Variants in DMD observed in about 807,000 individuals in gnomAD.
The protein encoded by DMD is dystrophin.
Under a neutral mutation model 330.1 loss-of-function variants are expected in DMD, and 63 were observed. The observed-to-expected ratio is 0.19, with a 90% CI of 0.16 to 0.24. The LOEUF is 0.24. DMD is among the 10% of genes least tolerant of loss of function. The pLI, the probability that DMD is intolerant of heterozygous loss-of-function variation, is 1.00. For synonymous variants in DMD, 1,223 were observed against 959.8 expected, an observed-to-expected ratio of 1.27 and a Z score of -5.07; for missense variants, 3,344 against 2,684.1, an observed-to-expected ratio of 1.25 and a Z score of -5.43.
At chrX:32,907,801 A>T (rs1224208519) in intron 2 of DMD, among the ~76,000 whole-genome samples, 1 of 112,368 alleles carries the variant, frequency 8.9e-6, no homozygotes, top group African/African-American at 3.2e-5. Flanking sequence ...CCCCTCAGAG[A>T]CCTGAAATTT....
At chrX:32,414,960 T>C (rs2098160743) in intron 29 of DMD, among the ~76,000 whole-genome samples, 1 of 111,944 alleles carries the variant, frequency 8.9e-6, no homozygotes, top group Admixed American at 9.5e-5. Flanking sequence ...TGTTCAGGGC[T>C]ATAATCAGAG....
At chrX:32,417,023 T>C (rs866876916) in intron 29 of DMD, among the ~76,000 whole-genome samples, 10 of 112,260 alleles carry the variant, frequency 8.9e-5, no homozygotes, top group Admixed American at 1.9e-4. Context: ...TTTGATAAAC[T>C]ATTTCCTCCT....
intron 55 of DMD, among the ~76,000 whole-genome samples, chrX:31,551,521 G>A (rs1321620394): frequency 8.9e-6 from 1 of 112,003 alleles, no homozygotes; most frequent in Non-Finnish European, 1.9e-5. Flanking sequence ...GACTCAAAAT[G>A]ACAGCAAAAT....
At chrX:32,373,024 C>G (rs2097885688) in intron 34 of DMD, among the ~76,000 whole-genome samples, 3 of 110,391 alleles carry the variant, frequency 2.7e-5, no homozygotes, top group Non-Finnish European at 5.7e-5. Flanking sequence ...TCTGGAAGTT[C>G]TCCCATTCTT....
chrX:31,250,880 G>A (rs1347906898), intron 63 of DMD, among the ~76,000 whole-genome samples: 5 of 110,689 alleles, frequency 4.5e-5, no homozygotes, highest in East Asian at 2.8e-4. Context: ...TCAAGAGATC[G>A]AGACCATCCT....
rs757479854 is a variant in DMD, at chrX:32,636,143, C to A, written c.1331+7989G>T. On this transcript the variant is annotated intron_variant, in intron 11 of 78. Transcript: ENST00000357033. ...TGACAAAATTATACAGTTTTTATCCCCCTAAAACTAATGTGTTCATTCTCC... is the reference window on the plus strand; with the variant it reads ...TGACAAAATTATACAGTTTTTATCCACCTAAAACTAATGTGTTCATTCTCC... Among the ~76,000 whole-genome samples the A allele has an allele frequency of 2.7e-5, 3 of 111,844 alleles. No individual in the cohort carries two copies. In the Admixed American group the frequency reaches 2.8e-4, roughly 11 times the overall value.
intron 18 of DMD, among the ~76,000 whole-genome samples, chrX:32,512,306 GAAGT>G (rs894427328): frequency 8.9e-6 from 1 of 111,831 alleles, no homozygotes; most frequent in Non-Finnish European, 1.9e-5. Context: ...TCCGACATTA[GAAGT>G]AATTAAGAAT....
intron 1 of DMD, among the ~76,000 whole-genome samples, chrX:33,282,980 G>A (rs1243353246): frequency 1.8e-5 from 2 of 111,838 alleles, no homozygotes; most frequent in African/African-American, 6.5e-5. Flanking sequence ...CTCTTGTTTT[G>A]TTTCTAGGTT....
chrX:32,204,484 A>C (rs2147755071), intron 44 of DMD, among the ~76,000 whole-genome samples: 1 of 111,961 alleles, frequency 8.9e-6, no homozygotes, highest in African/African-American at 3.2e-5. Flanking sequence ...ATTTTCCAAA[A>C]GTATTAGTTT....
intron 2 of DMD, among the ~76,000 whole-genome samples, chrX:32,916,915 G>T (rs778003289): frequency 2.1e-4 from 24 of 111,717 alleles, no homozygotes; most frequent in Non-Finnish European, 4.3e-4. Context: ...GAAGGATTGA[G>T]ATGATGGATA....
chrX:32,382,437 T>C (rs774307882), intron 33 of DMD, among the ~76,000 whole-genome samples: 1 of 110,796 alleles, frequency 9.0e-6, no homozygotes, highest in Non-Finnish European at 1.9e-5. Flanking sequence ...ACACAAAAGA[T>C]AAAAATATGT....
chrX:31,460,707 G>A (rs942769318), intron 59 of DMD, among the ~76,000 whole-genome samples: 4 of 110,627 alleles, frequency 3.6e-5, no homozygotes, highest in South Asian at 3.9e-4. Context: ...CCAGCCTTTC[G>A]GGTAGCTGGG....
chrX:31,926,606 G>A (rs2094781037), intron 47 of DMD, among the ~76,000 whole-genome samples: 1 of 110,476 alleles, frequency 9.1e-6, no homozygotes, highest in South Asian at 3.9e-4. Flanking sequence ...AACCCGGGAG[G>A]TGGAGGTTGC....
intron 64 of DMD, among the ~76,000 whole-genome samples, chrX:31,211,915 G>A (rs1393676546): frequency 9.0e-6 from 1 of 111,243 alleles, no homozygotes; most frequent in Non-Finnish European, 1.9e-5. Flanking sequence ...TTCCATTTAG[G>A]TATACACAAT....
chrX:31,830,914 G>T (rs1044994468), intron 49 of DMD, among the ~76,000 whole-genome samples: 19 of 111,857 alleles, frequency 1.7e-4, no homozygotes, highest in African/African-American at 5.5e-4. Flanking sequence ...CTTTACCAAC[G>T]ACGTGTCTAG....
chrX:32,241,894 G>T (rs758018840), intron 43 of DMD, among the ~76,000 whole-genome samples: 48 of 110,366 alleles, frequency 4.3e-4, no homozygotes, highest in African/African-American at 1.3e-3. Context: ...TTTCCATAAG[G>T]CATATACCCA....
chrX:32,398,253 C>CT (rs1171338370), intron 30 of DMD, among the ~76,000 whole-genome samples: 1 of 90,129 alleles, frequency 1.1e-5, no homozygotes, highest in Non-Finnish European at 2.1e-5. Flanking sequence ...TTGTACTACT[C>CT]TTTTTTTAAA....
At chrX:31,461,091 T>C (rs1342730619) in intron 59 of DMD, among the ~76,000 whole-genome samples, 1 of 111,765 alleles carries the variant, frequency 8.9e-6, no homozygotes. Flanking sequence ...ATGCTCCCTA[T>C]GATGCTCCCA....
chrX:33,140,939 C>T (rs73455871), intron 1 of DMD, among the ~76,000 whole-genome samples: 2,199 of 111,702 alleles, frequency 0.02, 60 homozygotes, highest in African/African-American at 0.068. Context: ...CTGATATATA[C>T]GTGTGTGTAT....
Sources: gnomAD v4.1 joint callset for allele counts (sites outside exome capture counted in the v4.1 genomes callset) on GRCh38, gnomAD v4.1.1 for gene constraint, MANE v1.5 for transcripts, NCBI Gene and HGNC (gene_info 2026-07-23, HGNC 2026-07-21) for gene names.